Variants in PARD3B observed in about 807,000 individuals in gnomAD.
PARD3B encodes partitioning defective 3 homolog B.
A neutral mutation model predicts 130.2 loss-of-function variants in PARD3B; 103 were observed. That is an observed-to-expected ratio of 0.79 (90% CI 0.67 to 0.93). The LOEUF (loss-of-function observed/expected upper bound fraction) is 0.93. PARD3B is among the 40% of genes least tolerant of loss of function. The pLI, the probability that PARD3B is intolerant of heterozygous loss-of-function variation, is 0.00. For missense variants in PARD3B, 1,609 were observed against 1,499.2 expected (o/e 1.07, Z -1.21); for synonymous variants, 583 against 553.2 (o/e 1.05, Z -0.76).
intron 1 of PARD3B, among the ~76,000 whole-genome samples, chr2:204,648,345 C>T (rs1173271673): frequency 6.7e-6 from 1 of 150,328 alleles, no homozygotes; most frequent in African/African-American, 2.4e-5. Flanking sequence ...CTTTCATATC[C>T]ACCATTAGAT....
intron 20 of PARD3B, among the ~76,000 whole-genome samples, chr2:205,457,165 T>A (rs1002926099): frequency 1.3e-5 from 2 of 151,892 alleles, no homozygotes; most frequent in Non-Finnish European, 2.9e-5. Flanking sequence ...TCAATGTCCT[T>A]GATAACTGTA....
intron 2 of PARD3B, among the ~76,000 whole-genome samples, chr2:204,716,411 G>A (rs1487097189): frequency 2.0e-5 from 3 of 151,930 alleles, no homozygotes; most frequent in African/African-American, 4.8e-5. Flanking sequence ...ACTGGCTTAG[G>A]GGGCCAGAGT....
intron 2 of PARD3B, among the ~76,000 whole-genome samples, chr2:204,810,873 G>A (rs572712424): frequency 3.6e-4 from 54 of 152,032 alleles, no homozygotes; most frequent in South Asian, 1.9e-3. Context: ...GAATAGTTTC[G>A]GTAGGAATGG....
chr2:205,075,946 ATTAT>A (rs1413722560), intron 4 of PARD3B, among the ~76,000 whole-genome samples: 3 of 152,162 alleles, frequency 2.0e-5, no homozygotes, highest in Non-Finnish European at 2.9e-5. Context: ...ACTGCTTGTA[ATTAT>A]TTAAAGCTAT....
intron 2 of PARD3B, among the ~76,000 whole-genome samples, chr2:204,744,649 C>T (rs2040141592): frequency 6.6e-6 from 1 of 152,030 alleles, no homozygotes; most frequent in African/African-American, 2.4e-5. Context: ...AAAAATTGTT[C>T]TCTAAGACAA....
intron 19 of PARD3B, among the ~76,000 whole-genome samples, chr2:205,423,189 G>A (rs574201613): frequency 3.9e-5 from 6 of 152,282 alleles, no homozygotes; most frequent in Admixed American, 1.3e-4. Flanking sequence ...GTTGCTGAGC[G>A]GCGATTGCCT....
chr2:205,593,428 A>G (rs1237269788), intron 22 of PARD3B, among the ~76,000 whole-genome samples: 2 of 152,216 alleles, frequency 1.3e-5, no homozygotes, highest in East Asian at 3.8e-4. Context: ...GACTGCTAAA[A>G]TTTCAATGGG....
intron 1 of PARD3B, among the ~76,000 whole-genome samples, chr2:204,632,784 C>T (rs2034727743): frequency 6.6e-6 from 1 of 152,176 alleles, no homozygotes. Flanking sequence ...CTGTGTCATT[C>T]CTGGGTGGGC....
intron 3 of PARD3B, among the ~76,000 whole-genome samples, chr2:205,000,193 C>T (rs1305784707): frequency 6.6e-6 from 1 of 152,156 alleles, no homozygotes; most frequent in African/African-American, 2.4e-5. Flanking sequence ...CTGGGTAGTA[C>T]AACATTAACA....
At chr2:204,714,557 C>T (rs563061490) in intron 2 of PARD3B, among the ~76,000 whole-genome samples, 4 of 152,272 alleles carry the variant, frequency 2.6e-5, no homozygotes, top group African/African-American at 4.8e-5. Context: ...ACTGGTCAGT[C>T]GTTTCTTCCT....
intron 15 of PARD3B, among the ~76,000 whole-genome samples, chr2:205,225,435 T>C (rs2038491568): frequency 6.6e-6 from 1 of 152,202 alleles, no homozygotes; most frequent in African/African-American, 2.4e-5. Context: ...ATTTTGTCCA[T>C]TTTTAAAATC....
intron 15 of PARD3B, among the ~76,000 whole-genome samples, chr2:205,222,984 AC>A (rs1057213054): frequency 6.6e-5 from 10 of 152,164 alleles, no homozygotes; most frequent in African/African-American, 1.9e-4. Flanking sequence ...TCAGTGTAGT[AC>A]AGAGTAGAAA....
chr2:204,774,032 G>A (rs1028718045), intron 2 of PARD3B, among the ~76,000 whole-genome samples: 1 of 151,862 alleles, frequency 6.6e-6, no homozygotes, highest in Non-Finnish European at 1.5e-5. Context: ...TCAACTTGTA[G>A]TTTCCCTAAT....
intron 20 of PARD3B, among the ~76,000 whole-genome samples, chr2:205,444,382 A>G (rs950529422): frequency 1.3e-5 from 2 of 152,218 alleles, no homozygotes; most frequent in African/African-American, 4.8e-5. Context: ...TGAGCCCAGG[A>G]GTCCAAGGCT....
At chr2:205,349,554 C>T (rs1169432743) in intron 18 of PARD3B, among the ~76,000 whole-genome samples, 2 of 151,968 alleles carry the variant, frequency 1.3e-5, no homozygotes, top group Non-Finnish European at 2.9e-5. Context: ...GTTTCTTAAA[C>T]TAAATTTAAA....
intron 2 of PARD3B, among the ~76,000 whole-genome samples, chr2:204,935,357 G>T (rs1444225075): frequency 7.2e-6 from 1 of 138,642 alleles, no homozygotes; most frequent in Non-Finnish European, 1.6e-5. Flanking sequence ...GTGAAACCCT[G>T]TCTCTACTAA....
intron 2 of PARD3B, among the ~76,000 whole-genome samples, chr2:204,855,750 T>C (rs928470261): frequency 6.6e-6 from 1 of 152,060 alleles, no homozygotes; most frequent in Non-Finnish European, 1.5e-5. Context: ...TTGTACTCTC[T>C]GCTTCTGTGA....
chr2:204,960,079 C>T lies in PARD3B; in HGVS notation c.223-5073C>T, dbSNP rs182090631. On this transcript the variant is annotated intron_variant, in intron 2 of 22. Coordinates refer to ENST00000406610, the MANE Select transcript of PARD3B (RefSeq NM_001302769.2). ...TAGGGTCTAAAATGTGAAATTTTCA[C>T]GACTTTGAAAATAAAGCTGGACACA... Among the ~76,000 whole-genome samples, 13 of 152,254 alleles carry T rather than the reference C, an allele frequency of 8.5e-5. No individual in the cohort carries two copies. The East Asian group carries it at 2.1e-3, about 25-fold the overall frequency.
chr2:204,802,582 GAACT>G (rs2042610742), intron 2 of PARD3B, among the ~76,000 whole-genome samples: 1 of 152,146 alleles, frequency 6.6e-6, no homozygotes, highest in African/African-American at 2.4e-5. Flanking sequence ...CAAAGACTTG[GAACT>G]AACCCAAATG....
Sources: gnomAD v4.1 joint callset for allele counts (sites outside exome capture counted in the v4.1 genomes callset) on GRCh38, gnomAD v4.1.1 for gene constraint, MANE v1.5 for transcripts, NCBI Gene and HGNC (gene_info 2026-07-23, HGNC 2026-07-21) for gene names.